Variants in KCNB2 observed in about 807,000 individuals in gnomAD.
KCNB2 encodes the protein potassium voltage-gated channel subfamily B member 2, also known as delayed rectifier potassium channel protein.
KCNB2 carries 15 observed loss-of-function variants against 61.5 expected under a neutral mutation model. The observed-to-expected ratio is 0.24, with a 90% CI of 0.16 to 0.38. The LOEUF is 0.38. KCNB2 is among the 10% of genes least tolerant of loss of function. KCNB2 has a pLI of 1.00. For missense variants in KCNB2, 828 were observed against 1,125.2 expected (o/e 0.74, Z 3.78); for synonymous variants, 457 against 446.0 (o/e 1.02, Z -0.31).
chr8:72,785,982 G>C (rs1217796597), intron 2 of KCNB2, among the ~76,000 whole-genome samples: 1 of 149,026 alleles, frequency 6.7e-6, no homozygotes, highest in Non-Finnish European at 1.5e-5. Flanking sequence ...TGAAGACACA[G>C]AAAGGTCAAT....
chr8:72,763,987 G>T (rs1585879428), intron 2 of KCNB2, among the ~76,000 whole-genome samples: 1 of 152,170 alleles, frequency 6.6e-6, no homozygotes, highest in East Asian at 1.9e-4. Flanking sequence ...ACCTTGTCTT[G>T]TTCAGGAATT....
chr8:72,823,929 C>T (rs950508104), intron 2 of KCNB2, among the ~76,000 whole-genome samples: 2 of 152,130 alleles, frequency 1.3e-5, no homozygotes, highest in African/African-American at 4.8e-5. Context: ...CTTCAAGGAC[C>T]CTGGGAGCCC....
intron 2 of KCNB2, among the ~76,000 whole-genome samples, chr8:72,667,769 T>C (rs1262717187): frequency 6.6e-6 from 1 of 152,210 alleles, no homozygotes; most frequent in Non-Finnish European, 1.5e-5. Flanking sequence ...CACACAGAAA[T>C]TATGGTGATC....
At chr8:72,684,557 C>T (rs1376055519) in intron 2 of KCNB2, among the ~76,000 whole-genome samples, 2 of 152,126 alleles carry the variant, frequency 1.3e-5, no homozygotes, top group Admixed American at 1.3e-4. Context: ...ATCACCCCCT[C>T]CTCACCCCCA....
intron 2 of KCNB2, among the ~76,000 whole-genome samples, chr8:72,910,228 T>G (rs1327890773): frequency 2.0e-5 from 3 of 152,284 alleles, no homozygotes; most frequent in Middle Eastern, 3.4e-3. Flanking sequence ...AATGAAATAA[T>G]CTTTGTAAGG....
chr8:72,741,202 C>A (rs887865963), intron 2 of KCNB2, among the ~76,000 whole-genome samples: 1 of 152,134 alleles, frequency 6.6e-6, no homozygotes, highest in African/African-American at 2.4e-5. Flanking sequence ...GCCTTGTATT[C>A]TGCCACTTCC....
chr8:72,649,553 T>C (rs188019114), intron 2 of KCNB2, among the ~76,000 whole-genome samples: 1 of 152,280 alleles, frequency 6.6e-6, no homozygotes, highest in East Asian at 1.9e-4. Flanking sequence ...AATATACTCA[T>C]GTTACAAACC....
At chr8:72,852,706 G>A (rs1469646271) in intron 2 of KCNB2, among the ~76,000 whole-genome samples, 1 of 151,954 alleles carries the variant, frequency 6.6e-6, no homozygotes, top group East Asian at 1.9e-4. Context: ...TCTATGTAAA[G>A]GTATTTTATA....
chr8:72,818,492 C>T (rs1285410018), intron 2 of KCNB2, among the ~76,000 whole-genome samples: 1 of 152,170 alleles, frequency 6.6e-6, no homozygotes, highest in Non-Finnish European at 1.5e-5. Flanking sequence ...AATGCACAGT[C>T]GTACCTCCTT....
chr8:72,787,517 T>G (rs746733419), intron 2 of KCNB2, among the ~76,000 whole-genome samples: 1 of 151,918 alleles, frequency 6.6e-6, no homozygotes. Flanking sequence ...TTAGTATAAG[T>G]ATGGCAGTTT....
intron 2 of KCNB2, among the ~76,000 whole-genome samples, chr8:72,594,213 C>G (rs1807150245): frequency 6.6e-6 from 1 of 152,032 alleles, no homozygotes; most frequent in Non-Finnish European, 1.5e-5. Flanking sequence ...AAAACAAGTT[C>G]CTTATTATTA....
At chr8:72,799,602 A>G (rs939983353) in intron 2 of KCNB2, among the ~76,000 whole-genome samples, 17 of 152,156 alleles carry the variant, frequency 1.1e-4, no homozygotes, top group Non-Finnish European at 1.5e-4. Flanking sequence ...GGAATCAGAC[A>G]AGACAATGAT....
chr8:72,935,670 G>T (rs1398467316), intron 2 of KCNB2, among the ~76,000 whole-genome samples: 2 of 152,124 alleles, frequency 1.3e-5, no homozygotes, highest in African/African-American at 4.8e-5. Context: ...AGCCATATGT[G>T]GCCCTCATCC....
At chr8:72,709,684 C>G (rs994308728) in intron 2 of KCNB2, among the ~76,000 whole-genome samples, 1 of 152,024 alleles carries the variant, frequency 6.6e-6, no homozygotes, top group Non-Finnish European at 1.5e-5. Context: ...GGATCCACCC[C>G]GCTGATCCAG....
chr8:72,912,871 G>A (rs190480032), intron 2 of KCNB2, among the ~76,000 whole-genome samples: 5 of 152,148 alleles, frequency 3.3e-5, no homozygotes, highest in East Asian at 3.9e-4. Context: ...TTCATTTTAC[G>A]GGCAAGGGAA....
intron 1 of KCNB2, among the ~76,000 whole-genome samples, chr8:72,561,721 A>ATATATGTGTG (rs1806522047): frequency 4.2e-5 from 1 of 23,646 alleles, no homozygotes; most frequent in African/African-American, 3.2e-4. Flanking sequence ...ATATATATAT[A>ATATATGTGTG]TATATATCTA....
At chr8:72,586,091 A>G (rs1321550088) in intron 2 of KCNB2, among the ~76,000 whole-genome samples, 1 of 152,222 alleles carries the variant, frequency 6.6e-6, no homozygotes, top group African/African-American at 2.4e-5. Context: ...AAAAATGTCC[A>G]CACTGTCAGA....
intron 2 of KCNB2, among the ~76,000 whole-genome samples, chr8:72,759,810 T>C (rs920407568): frequency 6.6e-6 from 1 of 152,148 alleles, no homozygotes; most frequent in Non-Finnish European, 1.5e-5. Flanking sequence ...GGAGGATTTA[T>C]CAGGAACCCT....
intron 2 of KCNB2, among the ~76,000 whole-genome samples, chr8:72,749,029 G>T (rs1808136146): frequency 6.6e-6 from 1 of 152,058 alleles, no homozygotes. Flanking sequence ...GGTTTTTTCT[G>T]ATGTACATAA....
Sources: gnomAD v4.1 joint callset for allele counts (sites outside exome capture counted in the v4.1 genomes callset) on GRCh38, gnomAD v4.1.1 for gene constraint, MANE v1.5 for transcripts, NCBI Gene and HGNC (gene_info 2026-07-23, HGNC 2026-07-21) for gene names.